The following UBE2D2 variants were observed in gnomAD, a reference collection of about 807,000 sequenced individuals.
UBE2D2 encodes the protein ubiquitin-conjugating enzyme E2 D2.
Under a neutral mutation model 24.2 loss-of-function variants are expected in UBE2D2, and 2 were observed. The ratio of observed to expected loss-of-function variants is 0.08; its 90% confidence interval spans 0.03 to 0.26. The LOEUF is 0.26. Ranked by LOEUF, UBE2D2 falls within the 10% of genes least tolerant of loss-of-function variation. The pLI is 1.00. For missense variants in UBE2D2, 44 were observed against 177.6 expected (o/e 0.25, Z 4.28); for synonymous variants, 58 against 56.5 (o/e 1.03, Z -0.12).
At chr5:139,592,391 A>C (rs1753863024) in intron 1 of UBE2D2, among the ~76,000 whole-genome samples, 1 of 152,056 alleles carries the variant, frequency 6.6e-6, no homozygotes, top group Non-Finnish European at 1.5e-5. Flanking sequence ...ACATAAAAGT[A>C]ATGAGCTCTG....
At chr5:139,613,396 T>C (rs556966953) in intron 2 of UBE2D2, among the ~76,000 whole-genome samples, 17 of 152,312 alleles carry the variant, frequency 1.1e-4, no homozygotes, top group African/African-American at 3.6e-4. Flanking sequence ...GTGTGCTAAG[T>C]AGTAGCTTAA....
At chr5:139,593,534 T>C (rs992625019) in intron 1 of UBE2D2, among the ~76,000 whole-genome samples, 1 of 152,160 alleles carries the variant, frequency 6.6e-6, no homozygotes, top group Non-Finnish European at 1.5e-5. Flanking sequence ...TTGTTATATA[T>C]ACATTGTTAT....
intron 1 of UBE2D2, among the ~76,000 whole-genome samples, chr5:139,553,404 A>G (rs531609504): frequency 4.0e-4 from 61 of 152,272 alleles, no homozygotes; most frequent in African/African-American, 1.3e-3. Context: ...TCATCTGTCT[A>G]TTTATATTAA....
chr5:139,563,219 A>T (rs1011730224), intron 1 of UBE2D2, among the ~76,000 whole-genome samples: 2 of 152,206 alleles, frequency 1.3e-5, no homozygotes, highest in East Asian at 3.8e-4. Flanking sequence ...TAAACACCTC[A>T]GCTCAGCGGT....
At chr5:139,565,640 G>A (rs1753199836) in intron 1 of UBE2D2, among the ~76,000 whole-genome samples, 1 of 152,164 alleles carries the variant, frequency 6.6e-6, no homozygotes, top group African/African-American at 2.4e-5. Context: ...GTAGGCTCTT[G>A]ACTGAAGAGG....
intron 1 of UBE2D2, among the ~76,000 whole-genome samples, chr5:139,551,187 T>C (rs1752916851): frequency 6.6e-6 from 1 of 151,784 alleles, no homozygotes; most frequent in Admixed American, 6.6e-5. Context: ...TCTACTGAAA[T>C]TACAAAAAAT....
At chr5:139,581,280 C>T (rs1753597214) in intron 1 of UBE2D2, among the ~76,000 whole-genome samples, 2 of 152,036 alleles carry the variant, frequency 1.3e-5, no homozygotes, top group South Asian at 4.2e-4. Context: ...AACCCCATCT[C>T]TACTAAAAAT....
chr5:139,543,482 G>C (rs1261443461), intron 1 of UBE2D2, among the ~76,000 whole-genome samples: 1 of 152,162 alleles, frequency 6.6e-6, no homozygotes, highest in Non-Finnish European at 1.5e-5. Flanking sequence ...GTCAGTAGGC[G>C]GGCTGCAGAG....
intron 1 of UBE2D2, among the ~76,000 whole-genome samples, chr5:139,596,616 A>G (rs970136831): frequency 1.3e-5 from 2 of 151,854 alleles, no homozygotes; most frequent in African/African-American, 4.8e-5. Context: ...AGAATAAAAA[A>G]CTGGCCAGGC....
chr5:139,562,397 A>C, intron 1 of UBE2D2: 1 of 1,207,444 alleles, frequency 8.3e-7, no homozygotes, highest in Non-Finnish European at 1.1e-6. Context: ...AGTTCAGAAG[A>C]AAAAAAAAAG....
chr5:139,599,082 A>G (rs1013661330), intron 1 of UBE2D2, among the ~76,000 whole-genome samples: 2 of 150,966 alleles, frequency 1.3e-5, no homozygotes, highest in Admixed American at 6.6e-5. Flanking sequence ...ACATGCACCC[A>G]CTACGCTCGG....
chr5:139,607,355 C>CT (rs1754220511), intron 2 of UBE2D2, among the ~76,000 whole-genome samples: 1 of 152,142 alleles, frequency 6.6e-6, no homozygotes, highest in Non-Finnish European at 1.5e-5. Context: ...TTCTCTTTCT[C>CT]TGCCTTTTTT....
At chr5:139,619,863 C>CAAAAAAAAAAAAAAAAAA (rs36010124) in intron 5 of UBE2D2, among the ~76,000 whole-genome samples, 4 of 149,968 alleles carry the variant, frequency 2.7e-5, no homozygotes, top group Non-Finnish European at 4.5e-5. Flanking sequence ...AACTCCGTCT[C>CAAAAAAAAAAAAAAAAAA]AAAAAAAAAG....
intron 1 of UBE2D2, among the ~76,000 whole-genome samples, chr5:139,534,124 C>T (rs564678933): frequency 6.6e-6 from 1 of 151,644 alleles, no homozygotes; most frequent in Non-Finnish European, 1.5e-5. Context: ...TTTGACCTGG[C>T]ATCTTCACTT....
At chr5:139,581,656 A>G (rs1463439454) in intron 1 of UBE2D2, among the ~76,000 whole-genome samples, 4 of 151,924 alleles carry the variant, frequency 2.6e-5, no homozygotes, top group Admixed American at 1.3e-4. Flanking sequence ...ACATAATTTT[A>G]TGTAGTTTGT....
intron 2 of UBE2D2, among the ~76,000 whole-genome samples, chr5:139,600,831 C>A (rs1310315623): frequency 6.6e-6 from 1 of 152,158 alleles, no homozygotes; most frequent in African/African-American, 2.4e-5. Flanking sequence ...GACAGGGTCT[C>A]GCTCTGTCAA....
rs145023442 is a variant in UBE2D2, at chr5:139,577,583, A to G, written c.24+15768A>G. ...TGCATGCCACCACGTCTGGCTAATT[A>G]TTGTATTTTTAGTAAAGATGGGGTT... On this transcript the variant is annotated intron_variant, in intron 1 of 6. Coordinates refer to ENST00000398733, the MANE Select transcript of UBE2D2 (RefSeq NM_003339.3). Among the ~76,000 whole-genome samples, 5 of 151,544 alleles carry G rather than the reference A, an allele frequency of 3.3e-5. No homozygotes were observed. In the East Asian group the frequency reaches 9.7e-4, roughly 30 times the overall value.
rs1753349471 is a variant in UBE2D2 at position 139,571,420 on chromosome 5, A to AC, written c.24+9605_24+9606insC. ...AGACTCCCTCTCAAAAAAAAAAAAAAAAACAAACACAGATTTCAGCTATCC... is the reference window on the plus strand; with the variant it reads ...AGACTCCCTCTCAAAAAAAAAAAAAACAAACAAACACAGATTTCAGCTATCC... On this transcript the variant is annotated intron_variant, in intron 1 of 6. Coordinates refer to ENST00000398733, the MANE Select transcript of UBE2D2 (RefSeq NM_003339.3). Among the ~76,000 whole-genome samples the AC allele has an allele frequency of 2.0e-5, 3 of 152,074 alleles. No homozygotes were observed. In the South Asian group the frequency reaches 6.2e-4, roughly 32 times the overall value.
chr5:139,557,306 A>AT (rs1328179227), upstream of UBE2D2, among the ~76,000 whole-genome samples: 5 of 146,234 alleles, frequency 3.4e-5, no homozygotes, highest in Admixed American at 6.9e-5. Context: ...CTAATTTTGT[A>AT]TTTTTTTTTA....
Sources: gnomAD v4.1 joint callset for allele counts (sites outside exome capture counted in the v4.1 genomes callset) on GRCh38, gnomAD v4.1.1 for gene constraint, MANE v1.5 for transcripts, NCBI Gene and HGNC (gene_info 2026-07-23, HGNC 2026-07-21) for gene names.